The following GUCY1A1 variants were observed in gnomAD, a reference collection of about 807,000 sequenced individuals.
The protein encoded by GUCY1A1 is guanylate cyclase 1 soluble subunit alpha 1, also known as guanylate cyclase soluble subunit alpha-1.
Under a neutral mutation model 64.5 loss-of-function variants are expected in GUCY1A1, and 48 were observed. That is an observed-to-expected ratio of 0.74 (90% CI 0.59 to 0.95). The LOEUF is 0.95. Ranked by LOEUF, GUCY1A1 falls within the 40% of genes least tolerant of loss-of-function variation. The pLI, the probability that GUCY1A1 is intolerant of heterozygous loss-of-function variation, is 0.00. For synonymous variants in GUCY1A1, 308 were observed against 303.4 expected, an observed-to-expected ratio of 1.02 and a Z score of -0.16; for missense variants, 804 against 825.3, an observed-to-expected ratio of 0.97 and a Z score of 0.32.
intron 2 of GUCY1A1, among the ~76,000 whole-genome samples, chr4:155,676,621 C>T (rs1734986304): frequency 6.6e-6 from 1 of 151,364 alleles, no homozygotes; most frequent in South Asian, 2.1e-4. Flanking sequence ...TGCTGCAGAG[C>T]GTGTGTTAAA....
chr4:155,735,180 A>G lies in GUCY1A1; in HGVS notation c.*4949A>G, dbSNP rs1332312098. 1 of 151,974 alleles carries G rather than the reference A, an allele frequency of 6.6e-6. No individual in the cohort carries two copies. The highest frequency in any genetic ancestry group is 2.4e-5 in the African/African-American group (1 of 41,412). 9.4% of individuals were successfully genotyped at this position (151,974 alleles called of 1,614,324 possible). A position where few individuals can be genotyped will look rare whatever the true frequency, so the allele number is the denominator to read the frequency against. ...AGCCACACCTGCATCTGTTTTGACTAGCCCACATAACCTACACATTTTTCA... is the reference window on the plus strand; with the variant it reads ...AGCCACACCTGCATCTGTTTTGACTGGCCCACATAACCTACACATTTTTCA... On this transcript the variant is annotated 3_prime_UTR_variant, in exon 10 of 10. Coordinates refer to ENST00000506455, the MANE Select transcript of GUCY1A1 (RefSeq NM_001130682.3).
intron 2 of GUCY1A1, among the ~76,000 whole-genome samples, chr4:155,680,079 T>G (rs1312990052): frequency 1.3e-5 from 2 of 152,246 alleles, no homozygotes; most frequent in East Asian, 3.8e-4. Context: ...TGTCAATTTT[T>G]ACTAAAATGA....
At chr4:155,688,565 T>C (rs2126672235) in intron 2 of GUCY1A1, among the ~76,000 whole-genome samples, 1 of 152,330 alleles carries the variant, frequency 6.6e-6, no homozygotes, top group South Asian at 2.1e-4. Flanking sequence ...AAATGTGATC[T>C]TGTTGAGTGT....
chr4:155,721,300 G>A (rs951117366), intron 8 of GUCY1A1, among the ~76,000 whole-genome samples: 3 of 152,052 alleles, frequency 2.0e-5, no homozygotes, highest in African/African-American at 7.2e-5. Flanking sequence ...TGTCTCAGTG[G>A]CTTTCCAAAT....
intron 6 of GUCY1A1, among the ~76,000 whole-genome samples, chr4:155,712,291 C>T (rs1732675910): frequency 6.6e-6 from 1 of 152,172 alleles, no homozygotes; most frequent in Non-Finnish European, 1.5e-5. Context: ...ACCACCACAT[C>T]CGGCTAATTT....
intron 8 of GUCY1A1, among the ~76,000 whole-genome samples, chr4:155,718,304 C>A (rs1255445220): frequency 2.0e-5 from 3 of 152,154 alleles, no homozygotes; most frequent in Non-Finnish European, 4.4e-5. Context: ...GAGATTTACC[C>A]TTAACTCTCT....
At chr4:155,667,563 A>G (rs1733492009) in intron 2 of GUCY1A1, 144 bp downstream of exon 2, 1 of 152,112 alleles carries the variant, frequency 6.6e-6, no homozygotes, top group Non-Finnish European at 1.5e-5. Context: ...GGAAGCCAGC[A>G]TCGGGTTCCC....
intron 2 of GUCY1A1, among the ~76,000 whole-genome samples, chr4:155,672,932 A>G (rs917340228): frequency 6.6e-6 from 1 of 152,074 alleles, no homozygotes; most frequent in Non-Finnish European, 1.5e-5. Flanking sequence ...TACATGCTGG[A>G]CCTTTGTTAT....
chr4:155,712,711 GGAA>G (rs1732733911), intron 6 of GUCY1A1, among the ~76,000 whole-genome samples: 1 of 151,896 alleles, frequency 6.6e-6, no homozygotes, highest in African/African-American at 2.4e-5. Context: ...TAAGAGGGAG[GGAA>G]GAAGGAAGAA....
chr4:155,674,885 GT>G, intron 2 of GUCY1A1, among the ~76,000 whole-genome samples: 1 of 151,674 alleles, frequency 6.6e-6, no homozygotes, highest in Non-Finnish European at 1.5e-5. Flanking sequence ...TCACTATCGA[GT>G]TTTATATACC....
At chr4:155,690,346 C>G (rs1204145959) in intron 2 of GUCY1A1, among the ~76,000 whole-genome samples, 10 of 152,164 alleles carry the variant, frequency 6.6e-5, no homozygotes, top group African/African-American at 2.4e-4. Context: ...TTCATTTTTT[C>G]CCCCCAGGGT....
At chr4:155,714,677 A>AAACG (rs1161380304) in intron 7 of GUCY1A1, among the ~76,000 whole-genome samples, 3 of 152,234 alleles carry the variant, frequency 2.0e-5, no homozygotes, top group African/African-American at 4.8e-5. Context: ...ATTGTGGAAG[A>AAACG]AACGAATATT....
At chr4:155,707,713 A>G (rs1252366153) in intron 4 of GUCY1A1, among the ~76,000 whole-genome samples, 1 of 152,064 alleles carries the variant, frequency 6.6e-6, no homozygotes, top group Non-Finnish European at 1.5e-5. Flanking sequence ...TATGTCATAT[A>G]TATTTTGGGG....
rs1312466467 is a variant in GUCY1A1 at position 155,696,027 on chromosome 4, A to C, written c.-112-729A>C. On this transcript the variant is annotated intron_variant, in intron 2 of 9. Transcript: ENST00000506455. ...CTGGAATGGCGATGCTTATGATTTC[A>C]GTGGGAAGTGGGGTAGTCTTTGACT... 2.6e-5 allele frequency among the ~76,000 whole-genome samples: 4 copies of C among 152,176 alleles called. No individual in the cohort carries two copies. In the East Asian group the frequency reaches 7.7e-4, roughly 29 times the overall value.
intron 9 of GUCY1A1, chr4:155,722,536 C>T (rs1734105618): frequency 1.4e-6 from 1 of 691,878 alleles, no homozygotes. Context: ...GCAGTAAACA[C>T]CCAGACTCAG....
chr4:155,730,217 T>A lies in GUCY1A1; in HGVS notation c.2059T>A (p.Ser687Thr). The A allele has an allele frequency of 6.2e-7, 1 of 1,605,924 alleles. No individual in the cohort carries two copies. The highest frequency in any genetic ancestry group is 8.5e-7 in the Non-Finnish European group (1 of 1,173,190). The change falls in exon 10 of 10, where the codon TCA (serine) becomes ACA (threonine). Residue 687 changes from serine to threonine, a missense_variant. Transcript: ENST00000506455. ...DGNANFLGKA[S>T]GID Reference sequence around the variant, plus strand: ...CAATGCCAATTTTTTAGGCAAAGCATCAGGAATAGATTAGCAACCTATATA... The same window carrying A: ...CAATGCCAATTTTTTAGGCAAAGCAACAGGAATAGATTAGCAACCTATATA...
At chr4:155,707,839 C>CTTTTTTTTTTTTTTTTTTTTT (rs67716734) in intron 4 of GUCY1A1, among the ~76,000 whole-genome samples, 1 of 143,248 alleles carries the variant, frequency 7.0e-6, no homozygotes. Context: ...TTCTTTCTTT[C>CTTTTTTTTTTTTTTTTTTTTT]TTTTTTTTTT....
rs185120325 is a variant in GUCY1A1, at chr4:155,687,086, T to C, written c.-112-9670T>C. Among the ~76,000 whole-genome samples, 302 of 152,280 alleles carry C rather than the reference T, an allele frequency of 2.0e-3. 1 individual carries two copies. The highest frequency in any genetic ancestry group is 6.9e-3 in the African/African-American group (288 of 41,568). ...AAGCTTTGATGCATGAAAAAAATGG[T>C]TTCATAAGTATAAAACATTAAGGAA... On this transcript the variant is annotated intron_variant, in intron 2 of 9. Transcript: ENST00000506455.
intron 4 of GUCY1A1, among the ~76,000 whole-genome samples, chr4:155,707,466 G>A (rs768617006): frequency 6.6e-6 from 1 of 152,150 alleles, no homozygotes; most frequent in Non-Finnish European, 1.5e-5. Flanking sequence ...GGCCACATGA[G>A]AGCTGTGGCT....
Sources: allele counts gnomAD v4.1 joint callset (sites outside exome capture counted in the v4.1 genomes callset), GRCh38; gene constraint gnomAD v4.1.1; transcripts MANE v1.5; gene names NCBI Gene and HGNC (gene_info 2026-07-23, HGNC 2026-07-21).